Variants in ASTN2 observed in about 807,000 individuals in gnomAD.
ASTN2 encodes the protein astrotactin-2.
Under a neutral mutation model 139.8 loss-of-function variants are expected in ASTN2, and 54 were observed. That is an observed-to-expected ratio of 0.39 (90% CI 0.31 to 0.48). The LOEUF (loss-of-function observed/expected upper bound fraction) is 0.48, where lower values mean the gene tolerates loss of function less well. Ranked by LOEUF, ASTN2 falls within the 20% of genes least tolerant of loss-of-function variation. The pLI is 0.95. For missense variants in ASTN2, 1,565 were observed against 1,725.1 expected, an observed-to-expected ratio of 0.91 and a Z score of 1.64; for synonymous variants, 756 against 719.5, an observed-to-expected ratio of 1.05 and a Z score of -0.81.
rs966034564 is a variant in ASTN2 at position 116,598,558 on chromosome 9, C to T, written c.3355+19766G>A. ...TCCACAATTGCTTTTGAACCAACCACATATTTTTAGGATTCTAGATGCCTG... is the reference window on the plus strand; with the variant it reads ...TCCACAATTGCTTTTGAACCAACCATATATTTTTAGGATTCTAGATGCCTG... On this transcript the variant is annotated intron_variant, in intron 19 of 22. Transcript: ENST00000313400. Among the ~76,000 whole-genome samples the T allele has an allele frequency of 1.1e-4, 16 of 152,296 alleles. 1 individual carries two copies. The highest frequency in any genetic ancestry group is 7.8e-4 in the Admixed American group (12 of 15,302).
chr9:117,292,497 A>G (rs1173717405), intron 1 of ASTN2, among the ~76,000 whole-genome samples: 2 of 152,188 alleles, frequency 1.3e-5, no homozygotes, highest in Admixed American at 6.5e-5. Flanking sequence ...CATGAATACA[A>G]GAGAAGGGTG....
intron 20 of ASTN2, among the ~76,000 whole-genome samples, chr9:116,445,928 G>A (rs568284042): frequency 1.3e-5 from 2 of 152,296 alleles, no homozygotes; most frequent in East Asian, 1.9e-4. Flanking sequence ...AGAGGAAGAC[G>A]TCAACCTCAC....
At chr9:116,803,522 A>ATATATATTTT (rs1554748694) in intron 13 of ASTN2, among the ~76,000 whole-genome samples, 25 of 21,062 alleles carry the variant, frequency 1.2e-3, no homozygotes, top group South Asian at 1.8e-3. Context: ...ATATATATAT[A>ATATATATTTT]TTTTTTTTTT....
intron 10 of ASTN2, among the ~76,000 whole-genome samples, chr9:116,922,953 G>A (rs4838020): frequency 0.75 from 114,044 of 152,092 alleles, 45,077 homozygotes; most frequent in Non-Finnish European, 0.88. Flanking sequence ...ATTGGAAGGG[G>A]CCTTATAGGG....
intron 19 of ASTN2, among the ~76,000 whole-genome samples, chr9:116,540,953 G>C (rs947773335): frequency 6.6e-6 from 1 of 151,202 alleles, no homozygotes; most frequent in Non-Finnish European, 1.5e-5. Flanking sequence ...TTTTACAAAA[G>C]TTTTTCCCCT....
chr9:117,316,067 A>T (rs1822286505), intron 1 of ASTN2, among the ~76,000 whole-genome samples: 1 of 152,178 alleles, frequency 6.6e-6, no homozygotes, highest in African/African-American at 2.4e-5. Flanking sequence ...AGATGAAAAA[A>T]CTAAAGTGCT....
chr9:116,697,781 C>CTGG, intron 16 of ASTN2: 1 of 1,614,110 alleles, frequency 6.2e-7, no homozygotes, highest in South Asian at 1.1e-5. Context: ...ACCTGGATGC[C>CTGG]CTCCGGGAAG....
At chr9:116,514,139 C>T (rs375067796) in intron 19 of ASTN2, among the ~76,000 whole-genome samples, 1 of 151,692 alleles carries the variant, frequency 6.6e-6, no homozygotes, top group East Asian at 1.9e-4. Flanking sequence ...GTTTTATCTA[C>T]CTTTGGTCTT....
At chr9:116,938,528 G>C (rs897724723) in intron 10 of ASTN2, among the ~76,000 whole-genome samples, 15 of 152,038 alleles carry the variant, frequency 9.9e-5, no homozygotes, top group Non-Finnish European at 2.9e-5. Flanking sequence ...AGTTTCACAG[G>C]CCCCCTGAGT....
intron 5 of ASTN2, among the ~76,000 whole-genome samples, chr9:117,042,851 G>T (rs757101437): frequency 1.4e-4 from 21 of 151,932 alleles, no homozygotes; most frequent in Non-Finnish European, 2.2e-4. Context: ...GGAGTTTTTT[G>T]TTGTTGTTGT....
chr9:116,661,190 G>A (rs781728272), intron 16 of ASTN2, among the ~76,000 whole-genome samples: 6 of 151,758 alleles, frequency 4.0e-5, no homozygotes, highest in Non-Finnish European at 8.8e-5. Flanking sequence ...CCTGGGACAA[G>A]GCAGGTTGTG....
chr9:116,914,539 T>C (rs1030539231), intron 10 of ASTN2, among the ~76,000 whole-genome samples: 1 of 143,512 alleles, frequency 7.0e-6, no homozygotes, highest in Non-Finnish European at 1.5e-5. Flanking sequence ...CCAGACACTG[T>C]AAAGTGTTTT....
chr9:116,802,456 C>T (rs762808541), intron 13 of ASTN2, among the ~76,000 whole-genome samples: 1 of 152,160 alleles, frequency 6.6e-6, no homozygotes, highest in Non-Finnish European at 1.5e-5. Context: ...GTCAGGAGAA[C>T]TGAGAACGTG....
At chr9:117,165,810 C>T (rs1830657856) in intron 3 of ASTN2, among the ~76,000 whole-genome samples, 1 of 152,066 alleles carries the variant, frequency 6.6e-6, no homozygotes, top group South Asian at 2.1e-4. Flanking sequence ...AATACCACCT[C>T]CCTATAAAAT....
intron 5 of ASTN2, among the ~76,000 whole-genome samples, chr9:117,073,085 A>G (rs1828179861): frequency 6.6e-6 from 1 of 152,214 alleles, no homozygotes; most frequent in African/African-American, 2.4e-5. Context: ...GATATAGTGC[A>G]GCACAAATTC....
At chr9:116,594,810 A>G (rs1435409571) in intron 19 of ASTN2, among the ~76,000 whole-genome samples, 2 of 152,158 alleles carry the variant, frequency 1.3e-5, no homozygotes, top group African/African-American at 4.8e-5. Flanking sequence ...CCTGGCTCAG[A>G]GCTTAAGTCT....
chr9:116,749,725 C>T (rs1829347939), intron 13 of ASTN2, among the ~76,000 whole-genome samples: 1 of 152,168 alleles, frequency 6.6e-6, no homozygotes, highest in Non-Finnish European at 1.5e-5. Flanking sequence ...GTGATTGGAT[C>T]ATGGGGGTGG....
At chr9:116,569,013 C>T (rs1853376147) in intron 19 of ASTN2, 1 of 152,058 alleles carries the variant, frequency 6.6e-6, no homozygotes, top group South Asian at 2.1e-4. Flanking sequence ...GTCCAAGGAA[C>T]AGTAGGTAGG....
At chr9:116,981,407 C>G (rs1050970621) in intron 7 of ASTN2, among the ~76,000 whole-genome samples, 3 of 152,144 alleles carry the variant, frequency 2.0e-5, no homozygotes, top group Non-Finnish European at 4.4e-5. Flanking sequence ...GCCAAGGAAA[C>G]AAAGAGTGCA....
Sources: gnomAD v4.1 joint callset for allele counts (sites outside exome capture counted in the v4.1 genomes callset) on GRCh38, gnomAD v4.1.1 for gene constraint, MANE v1.5 for transcripts, NCBI Gene and HGNC (gene_info 2026-07-23, HGNC 2026-07-21) for gene names.